CCDC12: variants seen among roughly 807,000 people sequenced by gnomAD.
The protein encoded by CCDC12 is coiled-coil domain containing 12.
CCDC12 carries 28 observed loss-of-function variants against 25.7 expected under a neutral mutation model. The ratio of observed to expected loss-of-function variants is 1.09; its 90% CI spans 0.81 to 1.50. CCDC12 has a LOEUF of 1.50. Ranked by LOEUF, CCDC12 falls within the 40% of genes most tolerant of loss-of-function variation. The pLI is 0.00. For missense variants in CCDC12, 198 were observed against 210.0 expected (o/e 0.94, Z 0.35); for synonymous variants, 75 against 87.7 (o/e 0.86, Z 0.81).
At chr3:46,963,417 GGTCTCCCT>G (rs1559563638) in intron 1 of CCDC12, among the ~76,000 whole-genome samples, 5 of 2,404 alleles carry the variant, frequency 2.1e-3, no homozygotes, top group South Asian at 0.062. Flanking sequence ...CTCTCCTCAC[GGTCTCCCT>G]CTCCCTCTCC....
chr3:46,944,002 A>C (rs112473016), intron 1 of CCDC12, among the ~76,000 whole-genome samples: 1,729 of 152,278 alleles, frequency 0.011, 34 homozygotes, highest in African/African-American at 0.04. Context: ...GCTTTTGGTG[A>C]CACTGGCCTG....
At chr3:46,963,498 G>C (rs945903878) in intron 1 of CCDC12, among the ~76,000 whole-genome samples, 1 of 152,034 alleles carries the variant, frequency 6.6e-6, no homozygotes, top group African/African-American at 2.4e-5. Flanking sequence ...GTCTCCCTCT[G>C]ATGCCCAGCC....
chr3:46,948,853 G>C (rs1256769700), intron 1 of CCDC12, among the ~76,000 whole-genome samples: 1 of 152,214 alleles, frequency 6.6e-6, no homozygotes, highest in Non-Finnish European at 1.5e-5. Context: ...TATTCTTGCT[G>C]CAAGTGCTCA....
At chr3:46,976,883 T>G (rs1005340768), upstream of CCDC12, 5 of 1,235,894 alleles carry the variant, frequency 4.0e-6, no homozygotes, top group Non-Finnish European at 3.1e-6. Context: ...GGGCGAGCCC[T>G]CCCCGCCTTG....
chr3:46,959,600 A>T (rs2034404476), intron 1 of CCDC12, among the ~76,000 whole-genome samples: 1 of 152,166 alleles, frequency 6.6e-6, no homozygotes, highest in Non-Finnish European at 1.5e-5. Context: ...CACCCGGAGG[A>T]AGCCCCAGCC....
At chr3:46,933,385 G>T (rs932633033) in intron 2 of CCDC12, among the ~76,000 whole-genome samples, 1 of 152,192 alleles carries the variant, frequency 6.6e-6, no homozygotes, top group African/African-American at 2.4e-5. Context: ...CTGTATGGGA[G>T]CCCCCACCAA....
At chr3:46,923,202 C>A in intron 5 of CCDC12, 127 bp downstream of exon 5, 1 of 973,658 alleles carries the variant, frequency 1.0e-6, no homozygotes, top group Non-Finnish European at 1.4e-6. Flanking sequence ...GTAGCTATCT[C>A]GTGTAACTCT....
chr3:46,923,094 C>T, intron 5 of CCDC12: 2 of 395,960 alleles, frequency 5.1e-6, no homozygotes, highest in East Asian at 3.8e-5. Flanking sequence ...CTCAGGAGGG[C>T]CTTCATGAGG....
chr3:46,932,633 G>C (rs1201937335), intron 2 of CCDC12, among the ~76,000 whole-genome samples: 2 of 152,250 alleles, frequency 1.3e-5, no homozygotes, highest in African/African-American at 4.8e-5. Flanking sequence ...CATGACACAA[G>C]AAGTGACCAT....
At chr3:46,932,360 T>G (rs746858160) in intron 2 of CCDC12, among the ~76,000 whole-genome samples, 1 of 152,126 alleles carries the variant, frequency 6.6e-6, no homozygotes, top group Non-Finnish European at 1.5e-5. Context: ...CAGGGATGTT[T>G]TTGTTTGGTG....
chr3:46,925,578 G>A, intron 2 of CCDC12, 43 bp from the exon 3 acceptor site: 1 of 1,437,346 alleles, frequency 7.0e-7, no homozygotes, highest in Non-Finnish European at 9.5e-7. Context: ...GTCAGTGTGT[G>A]ACATGGTCTC....
At chr3:46,944,170 G>A (rs572633921) in intron 1 of CCDC12, among the ~76,000 whole-genome samples, 2 of 152,282 alleles carry the variant, frequency 1.3e-5, no homozygotes, top group East Asian at 3.9e-4. Context: ...GAAAACCTGG[G>A]AAATGGCAGT....
intron 1 of CCDC12, among the ~76,000 whole-genome samples, chr3:46,942,566 G>A (rs1575547653): frequency 6.6e-6 from 1 of 152,194 alleles, no homozygotes; most frequent in African/African-American, 2.4e-5. Flanking sequence ...TCTGCTTTAT[G>A]TGGAGACTGC....
intron 2 of CCDC12, among the ~76,000 whole-genome samples, chr3:46,932,806 T>G (rs944977278): frequency 6.6e-6 from 1 of 152,176 alleles, no homozygotes; most frequent in Non-Finnish European, 1.5e-5. Flanking sequence ...CCCTCCCCAG[T>G]AGGGGCAGCC....
intron 1 of CCDC12, among the ~76,000 whole-genome samples, chr3:46,965,825 C>G (rs1489096503): frequency 2.6e-5 from 4 of 152,190 alleles, no homozygotes; most frequent in African/African-American, 9.7e-5. Context: ...GGCCCTCAAC[C>G]AGAGGTAAAA....
chr3:46,942,817 G>C (rs2033762486), intron 1 of CCDC12, among the ~76,000 whole-genome samples: 1 of 152,178 alleles, frequency 6.6e-6, no homozygotes, highest in African/African-American at 2.4e-5. Flanking sequence ...TGGGCGATGG[G>C]TGAGAGGTTT....
At chr3:46,941,442 G>A (rs973032877) in intron 1 of CCDC12, among the ~76,000 whole-genome samples, 1 of 152,098 alleles carries the variant, frequency 6.6e-6, no homozygotes, top group Non-Finnish European at 1.5e-5. Flanking sequence ...GTGGGCGCCT[G>A]TAGTCCCAGC....
At chr3:46,959,365 G>C (rs545194634) in intron 1 of CCDC12, among the ~76,000 whole-genome samples, 1 of 152,336 alleles carries the variant, frequency 6.6e-6, no homozygotes, top group East Asian at 1.9e-4. Flanking sequence ...TAGATGGCAT[G>C]ACTTAAGGGT....
intron 1 of CCDC12, among the ~76,000 whole-genome samples, chr3:46,941,426 G>A (rs192566477): frequency 3.9e-5 from 6 of 152,224 alleles, no homozygotes; most frequent in South Asian, 2.1e-4. Flanking sequence ...TTAGCTGGGC[G>A]TGGTAGTGGG....
Sources: allele counts gnomAD v4.1 joint callset (sites outside exome capture counted in the v4.1 genomes callset), GRCh38; gene constraint gnomAD v4.1.1; transcripts MANE v1.5; gene names NCBI Gene and HGNC (gene_info 2026-07-23, HGNC 2026-07-21).